The following FGF12 variants were observed in gnomAD, a reference collection of about 807,000 sequenced individuals.
The protein encoded by FGF12 is fibroblast growth factor 12B.
A neutral mutation model predicts 23.6 loss-of-function variants in FGF12; 14 were observed. The observed-to-expected ratio is 0.59, with a 90% CI of 0.39 to 0.93. The LOEUF (loss-of-function observed/expected upper bound fraction) is 0.93, where lower values mean the gene tolerates loss of function less well. FGF12 is among the 40% of genes least tolerant of loss of function. FGF12 has a pLI of 0.00. For missense variants in FGF12, 175 were observed against 217.8 expected (o/e 0.80, Z 1.24); for synonymous variants, 62 against 77.3 (o/e 0.80, Z 1.04).
At chr3:192,666,917 T>TGATAGATAGATAGATA (rs56278131) in intron 2 of FGF12, among the ~76,000 whole-genome samples, 68 of 147,630 alleles carry the variant, frequency 4.6e-4, no homozygotes, top group Admixed American at 1.3e-3. Context: ...GATAGATAGA[T>TGATAGATAGATAGATA]GATAGATAGA....
At chr3:192,320,686 C>T (rs1716488382) in intron 4 of FGF12, among the ~76,000 whole-genome samples, 1 of 151,830 alleles carries the variant, frequency 6.6e-6, no homozygotes, top group Admixed American at 6.6e-5. Context: ...CATATGAAAA[C>T]TAATTAAATA....
At chr3:192,488,424 G>C (rs1401830967) in intron 2 of FGF12, among the ~76,000 whole-genome samples, 1 of 151,886 alleles carries the variant, frequency 6.6e-6, no homozygotes. Context: ...TCCTCTTCCT[G>C]AGCAAAACTT....
chr3:192,569,418 T>G (rs560584009), intron 2 of FGF12, among the ~76,000 whole-genome samples: 1 of 152,230 alleles, frequency 6.6e-6, no homozygotes, highest in Admixed American at 6.5e-5. Flanking sequence ...AACCCTCGTA[T>G]TCCTATGTTT....
At chr3:192,228,270 G>T (rs1031334439) in intron 4 of FGF12, among the ~76,000 whole-genome samples, 1 of 151,756 alleles carries the variant, frequency 6.6e-6, no homozygotes, top group African/African-American at 2.4e-5. Flanking sequence ...AAAATTATTT[G>T]TCAATTAAAA....
intron 2 of FGF12, among the ~76,000 whole-genome samples, chr3:192,676,177 G>A (rs764440601): frequency 3.9e-5 from 6 of 152,166 alleles, no homozygotes; most frequent in Non-Finnish European, 5.9e-5. Context: ...CCCCTCTTGC[G>A]ATGAGTGCTT....
chr3:192,635,787 GT>G (rs1715557717), intron 2 of FGF12, among the ~76,000 whole-genome samples: 1 of 152,130 alleles, frequency 6.6e-6, no homozygotes, highest in Non-Finnish European at 1.5e-5. Flanking sequence ...TATAGAGGTG[GT>G]TTCTCTTCTG....
intron 2 of FGF12, among the ~76,000 whole-genome samples, chr3:192,527,931 G>A (rs893055781): frequency 2.3e-4 from 6 of 26,268 alleles, no homozygotes; most frequent in East Asian, 1.9e-3. Flanking sequence ...GGAGAATAGC[G>A]CAGGAGAAAG....
In FGF12 at chr3:192,318,315, A is replaced by G. The variant is rs79412655; in HGVS notation, c.228+17046T>C. ...GAATTCAAAATAATTGTTTTGAGGA[A>G]GGTCAACAAAATTCAAGATAACACA... On this transcript the variant is annotated intron_variant, in intron 4 of 5. Transcript: ENST00000445105. Among the ~76,000 whole-genome samples, 689 of 152,352 alleles carry G rather than the reference A, an allele frequency of 4.5e-3. 16 individuals are homozygous for G. In the East Asian group the frequency reaches 0.046, roughly 10 times the overall value.
intron 4 of FGF12, among the ~76,000 whole-genome samples, chr3:192,270,173 A>T (rs1236515637): frequency 6.6e-6 from 1 of 152,138 alleles, no homozygotes; most frequent in African/African-American, 2.4e-5. Context: ...ATGACCATAG[A>T]GCTATTTTTC....
intron 4 of FGF12, among the ~76,000 whole-genome samples, chr3:192,218,801 C>G (rs2108570598): frequency 6.6e-6 from 1 of 152,238 alleles, no homozygotes; most frequent in East Asian, 1.9e-4. Flanking sequence ...TTAAAATAAC[C>G]ATTTTATTTG....
At chr3:192,247,847 T>A (rs1195871306) in intron 4 of FGF12, among the ~76,000 whole-genome samples, 1 of 152,184 alleles carries the variant, frequency 6.6e-6, no homozygotes, top group Non-Finnish European at 1.5e-5. Flanking sequence ...AAATGAAAAG[T>A]ATTTAGCTTC....
chr3:192,355,695 T>C (rs1054506417), intron 3 of FGF12, among the ~76,000 whole-genome samples: 6 of 152,190 alleles, frequency 3.9e-5, no homozygotes, highest in Non-Finnish European at 7.3e-5. Flanking sequence ...GATTGGATGC[T>C]CTAAGGATGT....
At chr3:192,312,730 G>C (rs1716018104) in intron 4 of FGF12, among the ~76,000 whole-genome samples, 1 of 145,046 alleles carries the variant, frequency 6.9e-6, no homozygotes, top group Admixed American at 6.8e-5. Flanking sequence ...CTGGGCAACA[G>C]AGTGAGACTC....
intron 2 of FGF12, among the ~76,000 whole-genome samples, chr3:192,660,597 T>C (rs1376863771): frequency 1.3e-5 from 2 of 151,824 alleles, no homozygotes; most frequent in Non-Finnish European, 1.5e-5. Context: ...GCTCTGACCA[T>C]TGTATACTCT....
intron 3 of FGF12, among the ~76,000 whole-genome samples, chr3:192,351,129 T>TA (rs1416139201): frequency 1.3e-5 from 2 of 152,200 alleles, no homozygotes; most frequent in South Asian, 4.1e-4. Flanking sequence ...GTGTTTAAAA[T>TA]AAAAAGTTTC....
chr3:192,200,259 G>A (rs1053246457), intron 4 of FGF12, among the ~76,000 whole-genome samples: 6 of 152,084 alleles, frequency 3.9e-5, no homozygotes, highest in Admixed American at 3.3e-4. Context: ...AACCCAGGAG[G>A]CAGAAGTTGC....
At chr3:192,394,108 G>A (rs1198987526) in intron 2 of FGF12, among the ~76,000 whole-genome samples, 1 of 152,100 alleles carries the variant, frequency 6.6e-6, no homozygotes, top group Non-Finnish European at 1.5e-5. Context: ...TCAAAATCAT[G>A]TGGTTCCTTT....
chr3:192,700,266 A>C (rs983232199), intron 2 of FGF12, among the ~76,000 whole-genome samples: 5 of 152,200 alleles, frequency 3.3e-5, no homozygotes, highest in Admixed American at 1.3e-4. Flanking sequence ...GTAATATAAC[A>C]TATAAACAAA....
chr3:192,308,333 T>C (rs1715758685), intron 4 of FGF12, among the ~76,000 whole-genome samples: 1 of 152,184 alleles, frequency 6.6e-6, no homozygotes, highest in Non-Finnish European at 1.5e-5. Flanking sequence ...CAAATGACAT[T>C]GGCAGATCTA....
Sources: gnomAD v4.1 joint callset for allele counts (sites outside exome capture counted in the v4.1 genomes callset) on GRCh38, gnomAD v4.1.1 for gene constraint, MANE v1.5 for transcripts, NCBI Gene and HGNC (gene_info 2026-07-23, HGNC 2026-07-21) for gene names.